Variants in VRK3 observed in about 807,000 individuals in gnomAD.
VRK3 encodes the protein VRK serine/threonine kinase 3, also known as serine/threonine-protein kinase VRK3.
A neutral mutation model predicts 60.4 loss-of-function variants in VRK3; 50 were observed. That is an observed-to-expected ratio of 0.83 (90% CI 0.66 to 1.05). The LOEUF (loss-of-function observed/expected upper bound fraction) is 1.05, where lower values mean the gene tolerates loss of function less well. Among genes scored for constraint, VRK3 ranks in the 50% least tolerant of loss-of-function variants. The probability of loss-of-function intolerance (pLI) is 0.00; values close to 1 mark genes in which losing one functional copy is unlikely to be tolerated. For synonymous variants in VRK3, 246 were observed against 227.8 expected, an observed-to-expected ratio of 1.08 and a Z score of -0.72; for missense variants, 549 against 585.3, an observed-to-expected ratio of 0.94 and a Z score of 0.64.
intron 12 of VRK3, among the ~76,000 whole-genome samples, chr19:49,986,077 T>G (rs951382580): frequency 6.6e-6 from 1 of 152,176 alleles, no homozygotes; most frequent in African/African-American, 2.4e-5. Flanking sequence ...TAGAAGGAAG[T>G]CAAAATGACG....
chr19:50,020,737 C>G (rs373059541), intron 1 of VRK3, 90 bp from the exon 2 acceptor site: 1 of 152,210 alleles, frequency 6.6e-6, no homozygotes, highest in Non-Finnish European at 1.5e-5. Context: ...CTGGCCATGT[C>G]ACCAGCATGT....
In VRK3 at chr19:50,005,162, G is replaced by A. The variant is rs768280492; in HGVS notation, c.547+2407C>T. Among the ~76,000 whole-genome samples, 3 of 148,968 alleles carry A rather than the reference G, an allele frequency of 2.0e-5. 1 individual carries two copies. The highest frequency in any genetic ancestry group is 7.8e-5 in the African/African-American group (3 of 38,346). Reference sequence around the variant, plus strand: ...AGCCCCAGGAGACAGGGGACAAGGCGTCATCTCACTTTTCCAGTGGAGGAC... The same window carrying A: ...AGCCCCAGGAGACAGGGGACAAGGCATCATCTCACTTTTCCAGTGGAGGAC... On this transcript the variant is annotated intron_variant, in intron 5 of 14. Transcript: ENST00000316763.
rs1568788632 is a variant in VRK3, at chr19:49,995,246, G to T, written c.709C>A (p.Pro237Thr). 2 of 1,614,072 alleles carry T rather than the reference G, an allele frequency of 1.2e-6. No homozygotes were observed. The highest frequency in any genetic ancestry group is 1.7e-6 in the Non-Finnish European group (2 of 1,180,036). Residue 237 changes from proline to threonine, a missense_variant, in exon 8 of 15, where the codon CCA becomes ACA. Transcript: ENST00000316763. ...VNKWKKLYST[P>T]LLAIPTCMGF... is the part of the protein sequence containing the mutation. The stretch of plus-strand genomic sequence containing the variant: ...ATGCAGGTAGGGATGGCCAGCAGTG[G>T]GGTCGAGTACAGCTTCTTCCACTTG...
chr19:49,990,072 A>AG lies in VRK3; in HGVS notation c.964-302dup, dbSNP rs1267711314. 3.3e-5 allele frequency among the ~76,000 whole-genome samples: 5 copies of AG among 150,014 alleles called. 2 individuals are homozygous for AG. The highest frequency in any genetic ancestry group is 2.7e-4 in the Admixed American group (4 of 14,974). On this transcript the variant is annotated intron_variant, in intron 10 of 14. Coordinates refer to ENST00000316763, the MANE Select transcript of VRK3 (RefSeq NM_016440.4). The stretch of plus-strand genomic sequence containing the variant: ...ACCAGGTAAACATATGTGGATGGGG[A>AG]GGGGGCTCTTGTTTTCCACAGAGGC...
At chr19:50,012,322 C>T (rs10405664) in intron 3 of VRK3, among the ~76,000 whole-genome samples, 7,931 of 152,194 alleles carry the variant, frequency 0.052, 669 homozygotes, top group African/African-American at 0.18. Context: ...TTAGGGAGAT[C>T]TTCCCTGATT....
chr19:50,008,147 A>C (rs945406999), intron 4 of VRK3, among the ~76,000 whole-genome samples: 1 of 152,186 alleles, frequency 6.6e-6, no homozygotes, highest in Non-Finnish European at 1.5e-5. Flanking sequence ...TGGAGAAGTC[A>C]GGGTAGGCTT....
At chr19:50,004,701 A>G (rs564172409) in intron 5 of VRK3, among the ~76,000 whole-genome samples, 30 of 152,152 alleles carry the variant, frequency 2.0e-4, no homozygotes, top group African/African-American at 7.2e-4. Flanking sequence ...TGAGCCCAGG[A>G]GTTTGGGACC....
chr19:49,993,932 G>A (rs183192530), intron 9 of VRK3, among the ~76,000 whole-genome samples: 8 of 151,852 alleles, frequency 5.3e-5, no homozygotes, highest in Middle Eastern at 3.4e-3. Context: ...GGGCCTTTCT[G>A]TACCCAGAGC....
intron 1 of VRK3, among the ~76,000 whole-genome samples, chr19:50,024,099 G>C (rs760538770): frequency 6.6e-6 from 1 of 151,962 alleles, no homozygotes; most frequent in Non-Finnish European, 1.5e-5. Context: ...CACCATGCCC[G>C]GCTAATTTTT....
At chr19:49,989,906 A>C in intron 10 of VRK3, 135 bp from the exon 11 acceptor site, 24 of 1,063,282 alleles carry the variant, frequency 2.3e-5, no homozygotes, top group South Asian at 4.5e-5. Context: ...AGGCATGCTC[A>C]TAGTAAAAAT....
At chr19:50,009,411 A>G (rs1237952589) in intron 3 of VRK3, 26 bp from the exon 4 acceptor site, 2 of 1,611,240 alleles carry the variant, frequency 1.2e-6, no homozygotes, top group South Asian at 1.1e-5. Flanking sequence ...CAAAATGCAG[A>G]CTGGAGTTAC....
At chr19:50,013,454 T>TC (rs2122547020) in intron 3 of VRK3, among the ~76,000 whole-genome samples, 1 of 152,292 alleles carries the variant, frequency 6.6e-6, no homozygotes, top group African/African-American at 2.4e-5. Context: ...ATAAACCTAA[T>TC]CATTTGTTTA....
intron 11 of VRK3, 110 bp from the exon 12 acceptor site, chr19:49,988,602 C>T: frequency 2.1e-6 from 3 of 1,416,442 alleles, no homozygotes; most frequent in South Asian, 1.4e-5. Context: ...CACACTCATA[C>T]ACCCAGCCTT....
intron 11 of VRK3, 66 bp downstream of exon 11, chr19:49,989,573 C>G: frequency 6.5e-7 from 1 of 1,544,732 alleles, no homozygotes; most frequent in Non-Finnish European, 8.8e-7. Flanking sequence ...TGGCTGTGAA[C>G]TCCTAGAGCT....
chr19:50,017,268 A>G (rs190609454), intron 2 of VRK3, among the ~76,000 whole-genome samples: 1 of 151,832 alleles, frequency 6.6e-6, no homozygotes, highest in Non-Finnish European at 1.5e-5. Flanking sequence ...CTTACTGTAC[A>G]TTAGCAATTA....
At chr19:50,007,454 C>A in intron 5 of VRK3, 115 bp downstream of exon 5, 1 of 1,497,620 alleles carries the variant, frequency 6.7e-7, no homozygotes, top group East Asian at 2.3e-5. Context: ...AGTTGCCTAG[C>A]GACAGGTCTG....
chr19:50,004,811 G>GA (rs1301527138), intron 5 of VRK3, among the ~76,000 whole-genome samples: 1 of 152,026 alleles, frequency 6.6e-6, no homozygotes, highest in Non-Finnish European at 1.5e-5. Context: ...TCGGGAGGCT[G>GA]AGGGGGGAGA....
At chr19:49,990,717 A>T (rs2076595607) in intron 10 of VRK3, among the ~76,000 whole-genome samples, 1 of 149,988 alleles carries the variant, frequency 6.7e-6, no homozygotes, top group South Asian at 2.1e-4. Flanking sequence ...TCTATGTAAG[A>T]CCTATATACA....
At chr19:50,011,629 A>C (rs1011597849) in intron 3 of VRK3, among the ~76,000 whole-genome samples, 1 of 151,482 alleles carries the variant, frequency 6.6e-6, no homozygotes, top group African/African-American at 2.4e-5. Flanking sequence ...GTCTTCCCCC[A>C]GGCAGAAATG....
Sources: gnomAD v4.1 joint callset for allele counts (sites outside exome capture counted in the v4.1 genomes callset) on GRCh38, gnomAD v4.1.1 for gene constraint, MANE v1.5 for transcripts, NCBI Gene and HGNC (gene_info 2026-07-23, HGNC 2026-07-21) for gene names.